Variants in EIF4G3 observed in about 807,000 individuals in gnomAD.
The protein encoded by EIF4G3 is eIF-4-gamma 3.
EIF4G3 carries 34 observed loss-of-function variants against 186.4 expected under a neutral mutation model. The ratio of observed to expected loss-of-function variants is 0.18; its 90% CI spans 0.14 to 0.24. The LOEUF is 0.24. Among genes scored for constraint, EIF4G3 ranks in the 10% least tolerant of loss-of-function variants. The pLI is 1.00. For synonymous variants in EIF4G3, 673 were observed against 679.5 expected (o/e 0.99, Z 0.15); for missense variants, 1,536 against 1,948.5 (o/e 0.79, Z 3.99).
intron 18 of EIF4G3, among the ~76,000 whole-genome samples, chr1:20,887,025 G>A (rs2084398418): frequency 6.6e-6 from 1 of 152,144 alleles, no homozygotes; most frequent in Non-Finnish European, 1.5e-5. Context: ...AGATAACAGA[G>A]TAAGTTAAAA....
chr1:21,055,602 C>G (rs2094526035), intron 3 of EIF4G3, among the ~76,000 whole-genome samples: 1 of 152,080 alleles, frequency 6.6e-6, no homozygotes, highest in African/African-American at 2.4e-5. Flanking sequence ...CAATGTGTCA[C>G]CAAGTGCTTC....
chr1:21,160,574 T>C (rs1354317512), intron 2 of EIF4G3, among the ~76,000 whole-genome samples: 1 of 152,190 alleles, frequency 6.6e-6, no homozygotes, highest in East Asian at 1.9e-4. Flanking sequence ...GTAATCATCA[T>C]CATACTGACA....
intron 2 of EIF4G3, chr1:21,111,298 T>C (rs1216795250): frequency 1.9e-5 from 9 of 471,250 alleles, no homozygotes; most frequent in South Asian, 1.4e-4. Context: ...ATTTGAATCC[T>C]AGATTCGTTT....
At chr1:21,100,245 G>A (rs960354185) in intron 2 of EIF4G3, among the ~76,000 whole-genome samples, 2 of 152,048 alleles carry the variant, frequency 1.3e-5, no homozygotes, top group African/African-American at 4.8e-5. Context: ...AGGATCCTGG[G>A]TTTCTTTTTG....
At chr1:20,845,113 C>A (rs931606826) in intron 29 of EIF4G3, among the ~76,000 whole-genome samples, 2 of 152,010 alleles carry the variant, frequency 1.3e-5, no homozygotes, top group African/African-American at 4.8e-5. Flanking sequence ...CATTTTAATC[C>A]ATCTTTAGTT....
intron 2 of EIF4G3, among the ~76,000 whole-genome samples, chr1:21,152,213 T>C (rs1045627617): frequency 6.6e-6 from 1 of 151,758 alleles, no homozygotes; most frequent in African/African-American, 2.4e-5. Context: ...GGCTCACGCC[T>C]ATAATCCCAA....
At chr1:20,939,394 G>T (rs1272676425) in intron 14 of EIF4G3, among the ~76,000 whole-genome samples, 1 of 152,070 alleles carries the variant, frequency 6.6e-6, no homozygotes, top group Non-Finnish European at 1.5e-5. Flanking sequence ...TAAGGTGCTG[G>T]TGTTCACAAT....
At chr1:21,090,206 A>G (rs184420810) in intron 2 of EIF4G3, among the ~76,000 whole-genome samples, 108 of 152,354 alleles carry the variant, frequency 7.1e-4, no homozygotes, top group Non-Finnish European at 1.2e-3. Context: ...TTAAGACTCT[A>G]AGTAGAAATA....
intron 14 of EIF4G3, among the ~76,000 whole-genome samples, chr1:20,907,498 G>A (rs1162123080): frequency 6.0e-5 from 9 of 151,014 alleles, no homozygotes; most frequent in Admixed American, 2.0e-4. Context: ...CCATTAACTC[G>A]TCATTTAGCA....
intron 34 of EIF4G3, among the ~76,000 whole-genome samples, chr1:20,814,783 C>G (rs2060096329): frequency 1.1e-5 from 1 of 88,606 alleles, no homozygotes; most frequent in South Asian, 5.6e-4. Flanking sequence ...CTCCCCCTCC[C>G]CCTCTCCCTC....
At chr1:21,114,626 C>A (rs2096785354) in intron 2 of EIF4G3, among the ~76,000 whole-genome samples, 1 of 152,066 alleles carries the variant, frequency 6.6e-6, no homozygotes, top group South Asian at 2.1e-4. Context: ...CACTGTTGGA[C>A]AATTATGCAA....
intron 2 of EIF4G3, among the ~76,000 whole-genome samples, chr1:21,092,346 TG>T (rs1201174576): frequency 6.6e-6 from 1 of 152,206 alleles, no homozygotes; most frequent in Non-Finnish European, 1.5e-5. Flanking sequence ...GAAGCCCACT[TG>T]GTCACTGTGG....
intron 30 of EIF4G3, among the ~76,000 whole-genome samples, chr1:20,833,967 G>T (rs2066010736): frequency 6.6e-6 from 1 of 152,014 alleles, no homozygotes; most frequent in Admixed American, 6.6e-5. Flanking sequence ...TTTTAACGCA[G>T]TAAAGTTCTG....
intron 7 of EIF4G3, among the ~76,000 whole-genome samples, chr1:20,992,548 C>T (rs1409730010): frequency 6.6e-6 from 1 of 152,176 alleles, no homozygotes; most frequent in East Asian, 1.9e-4. Flanking sequence ...TCCTCCTCCT[C>T]CTCCTGCTGA....
chr1:20,856,215 A>G (rs1557939677), intron 25 of EIF4G3, among the ~76,000 whole-genome samples: 1 of 152,238 alleles, frequency 6.6e-6, no homozygotes, highest in South Asian at 2.1e-4. Flanking sequence ...AGAATTTTCT[A>G]TCATGAAGCA....
chr1:21,065,006 G>A (rs2095159045), intron 3 of EIF4G3: 1 of 151,968 alleles, frequency 6.6e-6, no homozygotes, highest in Non-Finnish European at 1.5e-5. Flanking sequence ...AATGGAATTA[G>A]TCATTTACCA....
chr1:21,087,027 T>C (rs2096007814), intron 3 of EIF4G3, among the ~76,000 whole-genome samples: 1 of 152,116 alleles, frequency 6.6e-6, no homozygotes, highest in African/African-American at 2.4e-5. Flanking sequence ...TATGTAACTC[T>C]TGAAAGAGAG....
chr1:20,839,321 C>A (rs2067717970), intron 30 of EIF4G3, among the ~76,000 whole-genome samples: 1 of 152,004 alleles, frequency 6.6e-6, no homozygotes, highest in Admixed American at 6.6e-5. Flanking sequence ...CCACGTTGTT[C>A]AGGCTGGTCT....
chr1:20,918,529 A>C (rs1386797365), intron 14 of EIF4G3, among the ~76,000 whole-genome samples: 1 of 152,026 alleles, frequency 6.6e-6, no homozygotes, highest in Non-Finnish European at 1.5e-5. Flanking sequence ...TTAAACAGAA[A>C]AATGGGGTCA....
Sources: gnomAD v4.1 joint callset for allele counts (sites outside exome capture counted in the v4.1 genomes callset) on GRCh38, gnomAD v4.1.1 for gene constraint, MANE v1.5 for transcripts, NCBI Gene and HGNC (gene_info 2026-07-23, HGNC 2026-07-21) for gene names.